Variants in DGKB observed in about 807,000 individuals in gnomAD.
The protein encoded by DGKB is 90 kDa diacylglycerol kinase.
A neutral mutation model predicts 114.3 loss-of-function variants in DGKB; 67 were observed. The ratio of observed to expected loss-of-function variants is 0.59; its 90% CI spans 0.48 to 0.72. DGKB has a LOEUF of 0.72. Among genes scored for constraint, DGKB ranks in the 30% least tolerant of loss-of-function variants. The pLI, the probability that DGKB is intolerant of heterozygous loss-of-function variation, is 0.00. For missense variants in DGKB, 907 were observed against 975.2 expected, an observed-to-expected ratio of 0.93 and a Z score of 0.93; for synonymous variants, 398 against 323.1, an observed-to-expected ratio of 1.23 and a Z score of -2.49.
intron 1 of DGKB, among the ~76,000 whole-genome samples, chr7:14,853,973 C>G (rs1849763852): frequency 6.6e-6 from 1 of 151,814 alleles, no homozygotes; most frequent in African/African-American, 2.4e-5. Context: ...TCCCTCTGGT[C>G]ATTGAATTAC....
At chr7:14,942,700 T>C (rs1359838743) in intron 1 of DGKB, among the ~76,000 whole-genome samples, 1 of 152,038 alleles carries the variant, frequency 6.6e-6, no homozygotes, top group Non-Finnish European at 1.5e-5. Context: ...CTTTGACTTT[T>C]CCACTTTGTC....
At chr7:14,649,401 C>T (rs1170771109) in intron 13 of DGKB, among the ~76,000 whole-genome samples, 95 of 149,900 alleles carry the variant, frequency 6.3e-4, no homozygotes, top group African/African-American at 2.2e-3. Flanking sequence ...AACTAAGCTT[C>T]ATAAGTGAAG....
At chr7:14,281,196 G>A (rs1464559782) in intron 23 of DGKB, among the ~76,000 whole-genome samples, 3 of 151,600 alleles carry the variant, frequency 2.0e-5, no homozygotes, top group Admixed American at 6.6e-5. Flanking sequence ...ACAAAAACAG[G>A]CAGGGGTTGC....
intron 21 of DGKB, among the ~76,000 whole-genome samples, chr7:14,367,036 G>T (rs899852969): frequency 6.6e-6 from 1 of 152,110 alleles, no homozygotes; most frequent in South Asian, 2.1e-4. Context: ...TTCAGGTTTT[G>T]AATTTTGATC....
At chr7:14,407,462 T>C (rs951241373) in intron 21 of DGKB, among the ~76,000 whole-genome samples, 4 of 152,020 alleles carry the variant, frequency 2.6e-5, no homozygotes, top group Non-Finnish European at 5.9e-5. Flanking sequence ...GATTTCAGTC[T>C]TTTCTATGTG....
At chr7:14,900,902 T>C (rs549573989) in intron 1 of DGKB, among the ~76,000 whole-genome samples, 1 of 152,198 alleles carries the variant, frequency 6.6e-6, no homozygotes, top group African/African-American at 2.4e-5. Flanking sequence ...TAGTTGACTC[T>C]AGAGTATTAG....
chr7:14,228,721 T>C (rs894538623), intron 23 of DGKB, among the ~76,000 whole-genome samples: 4 of 151,956 alleles, frequency 2.6e-5, no homozygotes, highest in African/African-American at 9.7e-5. Flanking sequence ...TGAGAGAAAT[T>C]AACACTAAGA....
chr7:14,883,959 A>G (rs2128217521), intron 1 of DGKB, among the ~76,000 whole-genome samples: 1 of 152,162 alleles, frequency 6.6e-6, no homozygotes, highest in South Asian at 2.1e-4. Context: ...TCACAGTGAC[A>G]GCCAACTTTG....
chr7:14,246,006 G>T (rs1794420303), intron 23 of DGKB, among the ~76,000 whole-genome samples: 1 of 152,240 alleles, frequency 6.6e-6, no homozygotes, highest in East Asian at 1.9e-4. Flanking sequence ...ACTGAAAATA[G>T]AATTATTTGA....
chr7:14,628,684 TGTTCC>T (rs1465846749), intron 14 of DGKB, among the ~76,000 whole-genome samples: 2 of 152,216 alleles, frequency 1.3e-5, no homozygotes, highest in Non-Finnish European at 2.9e-5. Context: ...AAGGAGCAAC[TGTTCC>T]TGATGGCAGA....
Position 14,372,528 on chromosome 7 carries a change from T to C in DGKB, c.1836-27137A>G, listed in dbSNP as rs1468138868. 3.3e-5 allele frequency among the ~76,000 whole-genome samples: 5 copies of C among 152,240 alleles called. No individual in the cohort carries two copies. The East Asian group carries it at 9.7e-4, about 30-fold the overall frequency. On this transcript the variant is annotated intron_variant, in intron 21 of 25. Transcript: ENST00000402815. The stretch of plus-strand genomic sequence containing the variant: ...GTAGCTGACAAGTGAAAGAAACACA[T>C]GGCAAAGTACCACCTTGATAAATAT...
At chr7:14,853,114 G>C (rs1849625882) in intron 1 of DGKB, among the ~76,000 whole-genome samples, 1 of 152,052 alleles carries the variant, frequency 6.6e-6, no homozygotes, top group South Asian at 2.1e-4. Context: ...TCAAAACAGA[G>C]TACAAAATTG....
At chr7:14,769,664 A>C (rs954907441) in intron 2 of DGKB, among the ~76,000 whole-genome samples, 1 of 152,090 alleles carries the variant, frequency 6.6e-6, no homozygotes, top group African/African-American at 2.4e-5. Flanking sequence ...ACTTTTTCAT[A>C]ATTCTGGAGG....
chr7:14,314,491 G>A (rs1467007403), intron 23 of DGKB, among the ~76,000 whole-genome samples: 5 of 152,086 alleles, frequency 3.3e-5, no homozygotes, highest in Non-Finnish European at 2.9e-5. Flanking sequence ...GAATGCAGAA[G>A]GCTCAGGAGC....
chr7:14,726,367 T>A (rs1830035528), intron 5 of DGKB, among the ~76,000 whole-genome samples: 1 of 152,030 alleles, frequency 6.6e-6, no homozygotes, highest in African/African-American at 2.4e-5. Context: ...TTCTAACTCC[T>A]GACCTCAGGT....
intron 6 of DGKB, among the ~76,000 whole-genome samples, chr7:14,713,303 T>G (rs1827664398): frequency 6.6e-6 from 1 of 152,144 alleles, no homozygotes; most frequent in Non-Finnish European, 1.5e-5. Context: ...TTATATGATA[T>G]ATGTTATTAA....
chr7:14,867,657 T>A (rs1425041159), intron 1 of DGKB, among the ~76,000 whole-genome samples: 1 of 152,156 alleles, frequency 6.6e-6, no homozygotes, highest in Admixed American at 6.6e-5. Context: ...AAAATATAAA[T>A]GTAATTAACT....
rs182955307 is a variant in DGKB at position 14,288,566 on chromosome 7, C to T, written c.2122+49949G>A. 1.8e-3 allele frequency among the ~76,000 whole-genome samples: 270 copies of T among 151,948 alleles called. 2 individuals carry two copies. The highest frequency in any genetic ancestry group is 6.3e-4 in the Non-Finnish European group (43 of 67,972). On this transcript the variant is annotated intron_variant, in intron 23 of 25. Transcript: ENST00000402815. ...CTTTCACTTTTAATCATTCATTACT[C>T]TCTCCTTTTCCTCCCTTGCAAAGTT...
chr7:14,333,700 T>C (rs986253014), intron 23 of DGKB, among the ~76,000 whole-genome samples: 1 of 152,156 alleles, frequency 6.6e-6, no homozygotes. Flanking sequence ...ACTTGGATCT[T>C]CAAAGCTAAA....
Sources: gnomAD v4.1 joint callset for allele counts (sites outside exome capture counted in the v4.1 genomes callset) on GRCh38, gnomAD v4.1.1 for gene constraint, MANE v1.5 for transcripts, NCBI Gene and HGNC (gene_info 2026-07-23, HGNC 2026-07-21) for gene names.